The following ELOVL7 variants were observed in gnomAD, a reference collection of about 807,000 sequenced individuals.
ELOVL7 encodes very long chain fatty acid elongase 7.
ELOVL7 carries 27 observed loss-of-function variants against 35.7 expected under a neutral mutation model. The observed-to-expected ratio is 0.76, with a 90% CI of 0.56 to 1.04. The LOEUF is 1.04. Among genes scored for constraint, ELOVL7 ranks in the 50% least tolerant of loss-of-function variants. The pLI is 0.00. For missense variants in ELOVL7, 327 were observed against 340.8 expected (o/e 0.96, Z 0.32); for synonymous variants, 113 against 114.6 (o/e 0.99, Z 0.09).
intron 3 of ELOVL7, among the ~76,000 whole-genome samples, chr5:60,774,637 A>G (rs1742796502): frequency 6.6e-6 from 1 of 152,188 alleles, no homozygotes; most frequent in South Asian, 2.1e-4. Flanking sequence ...AGTCCTAGCC[A>G]GAGCAATCAG....
chr5:60,786,647 T>C (rs977706726), intron 3 of ELOVL7, among the ~76,000 whole-genome samples: 2 of 152,118 alleles, frequency 1.3e-5, no homozygotes, highest in Non-Finnish European at 1.5e-5. Context: ...AACTCTTTCA[T>C]TCAAAAGAGT....
intron 1 of ELOVL7, among the ~76,000 whole-genome samples, chr5:60,813,619 T>C (rs968285121): frequency 6.6e-6 from 1 of 152,100 alleles, no homozygotes; most frequent in Non-Finnish European, 1.5e-5. Flanking sequence ...TCAGAAGTCA[T>C]CAACTCTTTG....
chr5:60,757,681 T>C (rs1282495441), intron 7 of ELOVL7, 36 bp from the exon 8 acceptor site: 1 of 1,499,214 alleles, frequency 6.7e-7, no homozygotes, highest in Non-Finnish European at 9.0e-7. Context: ...GGGGCCATTG[T>C]TCCTTAAAAT....
intron 1 of ELOVL7, among the ~76,000 whole-genome samples, chr5:60,809,103 T>C (rs139532999): frequency 3.9e-5 from 6 of 152,328 alleles, no homozygotes; most frequent in East Asian, 1.9e-4. Context: ...TGGTTGATGA[T>C]AGTACATGGG....
At chr5:60,794,566 A>G (rs778876306) in intron 2 of ELOVL7, among the ~76,000 whole-genome samples, 10 of 152,262 alleles carry the variant, frequency 6.6e-5, no homozygotes, top group South Asian at 2.1e-4. Flanking sequence ...ATTTCCAGGT[A>G]GACTTTCAAA....
At chr5:60,818,521 T>G (rs995986488) in intron 1 of ELOVL7, among the ~76,000 whole-genome samples, 1 of 152,074 alleles carries the variant, frequency 6.6e-6, no homozygotes, top group Non-Finnish European at 1.5e-5. Flanking sequence ...ATAAGATACA[T>G]GTAGTAATGG....
intron 4 of ELOVL7, among the ~76,000 whole-genome samples, 193 bp from the exon 5 acceptor site, chr5:60,768,096 C>A (rs1379684485): frequency 6.6e-6 from 1 of 152,154 alleles, no homozygotes; most frequent in Non-Finnish European, 1.5e-5. Context: ...TTCAAAACCA[C>A]AAACTCATAT....
Position 60,825,413 on chromosome 5 carries a change from T to C in ELOVL7, c.-86+18747A>G, listed in dbSNP as rs75537180. The stretch of plus-strand genomic sequence containing the variant: ...TACCTTGCTTTATTTTTCTGCATCG[T>C]ACTTTTCAGTGTTATATATATTTAT... On this transcript the variant is annotated intron_variant, in intron 1 of 8. Coordinates refer to ENST00000508821, the MANE Select transcript of ELOVL7 (RefSeq NM_024930.3). Among the ~76,000 whole-genome samples, 1,187 of 152,360 alleles carry C rather than the reference T, an allele frequency of 7.8e-3. 13 individuals carry two copies. The highest frequency in any genetic ancestry group is 0.028 in the South Asian group (134 of 4,830).
chr5:60,758,466 C>G (rs1232662512), intron 7 of ELOVL7, among the ~76,000 whole-genome samples: 1 of 152,204 alleles, frequency 6.6e-6, no homozygotes, highest in Non-Finnish European at 1.5e-5. Context: ...CTGGCTTTCA[C>G]TAGCAAACTG....
intron 8 of ELOVL7, among the ~76,000 whole-genome samples, chr5:60,756,730 C>G (rs1018822781): frequency 2.6e-5 from 4 of 152,076 alleles, no homozygotes; most frequent in African/African-American, 9.7e-5. Context: ...ATCTTCACCA[C>G]GCCATCTAAA....
At chr5:60,783,693 A>C (rs1267217050) in intron 3 of ELOVL7, among the ~76,000 whole-genome samples, 7 of 152,184 alleles carry the variant, frequency 4.6e-5, no homozygotes, top group African/African-American at 1.7e-4. Context: ...AGCAAGGCAC[A>C]CCTCTATTTG....
intron 1 of ELOVL7, among the ~76,000 whole-genome samples, chr5:60,836,142 CAT>C (rs150666593): frequency 1.8e-4 from 27 of 151,172 alleles, no homozygotes; most frequent in African/African-American, 5.4e-4. Flanking sequence ...TATGTTCAAC[CAT>C]ATATATATAT....
At chr5:60,757,740 A>C (rs1243229978) in intron 7 of ELOVL7, 95 bp from the exon 8 acceptor site, 1 of 1,124,416 alleles carries the variant, frequency 8.9e-7, no homozygotes, top group Non-Finnish European at 1.2e-6. Flanking sequence ...TATTTCTTGC[A>C]TTTTGGAAAA....
At chr5:60,757,756 T>A (rs971226899) in intron 7 of ELOVL7, 111 bp from the exon 8 acceptor site, 1 of 883,964 alleles carries the variant, frequency 1.1e-6, no homozygotes, top group East Asian at 2.7e-5. Context: ...GAAAAAAATA[T>A]ATAAAATATC....
At chr5:60,802,319 AT>A (rs1432937680) in intron 1 of ELOVL7, among the ~76,000 whole-genome samples, 2 of 152,008 alleles carry the variant, frequency 1.3e-5, no homozygotes, top group African/African-American at 4.8e-5. Context: ...AGAGATTTGG[AT>A]TCAGTTAATG....
intron 3 of ELOVL7, among the ~76,000 whole-genome samples, chr5:60,783,817 A>G (rs1561439361): frequency 6.6e-6 from 1 of 152,310 alleles, no homozygotes; most frequent in Non-Finnish European, 1.5e-5. Context: ...GTATCATTAC[A>G]TAAGTTGAAA....
In ELOVL7 at chr5:60,752,271, T is replaced by C. The variant is rs1741318821; in HGVS notation, c.*2353A>G. 6.6e-6 allele frequency: 1 copy of C among 152,654 alleles called. No homozygotes were observed. The highest frequency in any genetic ancestry group is 2.4e-5 in the African/African-American group (1 of 41,468). The allele number at this position is 152,654 out of a possible 1,614,324, so 9.5% of individuals were successfully genotyped here. A position where few individuals can be genotyped will look rare whatever the true frequency, so the allele number is the denominator to read the frequency against. On this transcript the variant is annotated 3_prime_UTR_variant, in exon 9 of 9. Transcript: ENST00000508821. ...TACTTCTAGCAGCTGTGATTTCTTT[T>C]GTAGCATTCTGGCTCTCCACTTCTA...
At chr5:60,805,579 T>C (rs1386295214) in intron 1 of ELOVL7, among the ~76,000 whole-genome samples, 1 of 152,160 alleles carries the variant, frequency 6.6e-6, no homozygotes, top group African/African-American at 2.4e-5. Flanking sequence ...GCTGGGTAAC[T>C]AAGGGTGTGG....
At chr5:60,825,515 A>T (rs1167271369) in intron 1 of ELOVL7, among the ~76,000 whole-genome samples, 2 of 152,186 alleles carry the variant, frequency 1.3e-5, no homozygotes, top group African/African-American at 4.8e-5. Flanking sequence ...CTATATTATA[A>T]GCTGCTTAGG....
Sources: gnomAD v4.1 joint callset for allele counts (sites outside exome capture counted in the v4.1 genomes callset) on GRCh38, gnomAD v4.1.1 for gene constraint, MANE v1.5 for transcripts, NCBI Gene and HGNC (gene_info 2026-07-23, HGNC 2026-07-21) for gene names.